KCNN4: variants seen among roughly 807,000 people sequenced by gnomAD.
The protein encoded by KCNN4 is potassium calcium-activated channel subfamily N member 4, also known as intermediate conductance calcium-activated potassium channel protein 4.
In KCNN4, 31 loss-of-function variants were observed where a neutral mutation model predicts 45.2. That is an observed-to-expected ratio of 0.69 (90% CI 0.52 to 0.92). The LOEUF (loss-of-function observed/expected upper bound fraction) is 0.92. Ranked by LOEUF, KCNN4 falls within the 40% of genes least tolerant of loss-of-function variation. The pLI, the probability that KCNN4 is intolerant of heterozygous loss-of-function variation, is 0.00. For missense variants in KCNN4, 463 were observed against 574.0 expected, an observed-to-expected ratio of 0.81 and a Z score of 1.98; for synonymous variants, 231 against 254.6, an observed-to-expected ratio of 0.91 and a Z score of 0.88.
chr19:43,775,078 C>T (rs1969761839), intron 2 of KCNN4, among the ~76,000 whole-genome samples: 4 of 152,256 alleles, frequency 2.6e-5, no homozygotes, highest in Admixed American at 2.6e-4. Flanking sequence ...GTAATCCCAG[C>T]ACTTTGGGAG....
In KCNN4 at chr19:43,767,691, T is replaced by C; in HGVS notation, c.1136A>G (p.Tyr379Cys). The change falls in exon 8 of 9, where the codon TAT becomes TGT. Residue 379 changes from tyrosine to cysteine, a missense_variant. Physicochemically the swap from Tyr to Cys is radical, Grantham distance 194. Transcript: ENST00000648319. ...VDISKMHMIL[Y>C]DLQQNLSSSH... ...GCTGCTCAGATTCTGCTGCAGGTCA[T>C]ACAGGATCATGTGCATCTGGGTGGG... 2 of 1,614,126 alleles carry C rather than the reference T, an allele frequency of 1.2e-6. No individual in the cohort carries two copies. The highest frequency in any genetic ancestry group is 1.7e-6 in the Non-Finnish European group (2 of 1,180,010).
chr19:43,768,913 G>A (rs201839851), intron 7 of KCNN4, 50 bp downstream of exon 7: 19 of 1,590,066 alleles, frequency 1.2e-5, no homozygotes, highest in Non-Finnish European at 1.6e-5. Context: ...CCCTCCCTGT[G>A]GCCCCAACCT....
chr19:43,774,682 C>T lies in KCNN4; in HGVS notation c.256-63G>A. ...AGGTCAGGCGCAGGTCAGGCGGCGG[C>T]CCGCGCCTGCCTGCGCCCTGAGATA... On this transcript the variant is annotated intron_variant, in intron 2 of 8. Transcript: ENST00000648319. This position sits in a 1 kb window ranked among gnomAD's most constrained non-coding sequence, Gnocchi z 5.6. 1.4e-6 allele frequency: 2 copies of T among 1,379,526 alleles called. No homozygotes were observed. Among genetic ancestry groups the T allele is most frequent in the African/African-American group, 1.5e-5 (1 of 65,478 alleles). The allele number at this position is 1,379,526 out of a possible 1,614,324, so 85.5% of individuals were successfully genotyped here.
chr19:43,773,486 G>T (rs1969700069), intron 3 of KCNN4, among the ~76,000 whole-genome samples: 1 of 152,164 alleles, frequency 6.6e-6, no homozygotes, highest in African/African-American at 2.4e-5. Flanking sequence ...CACCTGGAAG[G>T]CTTGCTAAAG....
In KCNN4 at chr19:43,777,338, TGG is replaced by T. The variant is rs1491072651; in HGVS notation, c.160-704_160-703del. Among the ~76,000 whole-genome samples the T allele has an allele frequency of 9.7e-4, 144 of 149,102 alleles. 2 individuals are homozygous for T. The highest frequency in any genetic ancestry group is 3.5e-3 in the Middle Eastern group (1 of 286). ...GTGTGTGTGTGTGGGTGTGTGTGTG[TGG>T]TGTCTAGAAAAAGACATCTAGCCTC... On this transcript the variant is annotated intron_variant, in intron 1 of 8. Coordinates refer to ENST00000648319, the MANE Select transcript of KCNN4 (RefSeq NM_002250.3).
Position 43,774,742 on chromosome 19 carries a change from T to G in KCNN4, c.256-123A>C, listed in dbSNP as rs1599677884. On this transcript the variant is annotated intron_variant, in intron 2 of 8. Coordinates refer to ENST00000648319, the MANE Select transcript of KCNN4 (RefSeq NM_002250.3). The surrounding 1 kb of genome is among the most constrained non-coding windows in gnomAD (Gnocchi z 5.6). ...TGCCGCCTGGCCAGGAGGGAGGGAG[T>G]GCAGGGCGGGAGAGGGATAGGGAGG... is the stretch of plus-strand genomic sequence containing the variant. 1.4e-6 allele frequency: 1 copy of G among 738,116 alleles called. No homozygotes were observed. Among genetic ancestry groups the G allele is most frequent in the Non-Finnish European group, 2.0e-6 (1 of 490,174 alleles). 45.7% of individuals were successfully genotyped at this position (738,116 alleles called of 1,614,324 possible). A position where few individuals can be genotyped will look rare whatever the true frequency, so the allele number is the denominator to read the frequency against.
Position 43,769,501 on chromosome 19 carries a change from G to A in KCNN4, c.990C>T (p.Arg330=), listed in dbSNP as rs750898631. 3.7e-6 allele frequency: 6 copies of A among 1,614,094 alleles called. No homozygotes were observed. The African/African-American group carries it at 4.0e-5, about 11-fold the overall frequency. ...TGCGGGCAGCATGAGACTCCTTCCT[G>A]CGAGTATGTTTGTAGAACATCCAGG... The part of the protein sequence containing the change: ...QEAWMFYKHT[R]RKESHAARRH... The change falls in exon 6 of 9, where the codon CGC becomes CGT. Residue 330 remains arginine, a synonymous_variant. Coordinates refer to ENST00000648319, the MANE Select transcript of KCNN4 (RefSeq NM_002250.3). The surrounding 1 kb of genome is among the most constrained non-coding windows in gnomAD (Gnocchi z 4.4).
rs539217396 is a variant in KCNN4, at chr19:43,774,743, G to T, written c.256-124C>A. On this transcript the variant is annotated intron_variant, in intron 2 of 8. Transcript: ENST00000648319. This position sits in a 1 kb window ranked among gnomAD's most constrained non-coding sequence, Gnocchi z 5.6. ...GCCGCCTGGCCAGGAGGGAGGGAGT[G>T]CAGGGCGGGAGAGGGATAGGGAGGG... 2.6e-6 allele frequency: 2 copies of T among 755,482 alleles called. No individual in the cohort carries two copies. The highest frequency in any genetic ancestry group is 7.0e-5 in the Admixed American group (2 of 28,658). 46.8% of individuals were successfully genotyped at this position (755,482 alleles called of 1,614,324 possible). A position where few individuals can be genotyped will look rare whatever the true frequency, so the allele number is the denominator to read the frequency against.
chr19:43,776,493 G>T, intron 2 of KCNN4, 48 bp downstream of exon 2: 2 of 1,266,794 alleles, frequency 1.6e-6, no homozygotes, highest in Non-Finnish European at 2.3e-6. Context: ...CTGACAGGGC[G>T]CTGAGGGGGT....
intron 1 of KCNN4, 53 bp from the exon 2 acceptor site, chr19:43,776,689 G>T: frequency 8.8e-7 from 1 of 1,133,962 alleles, no homozygotes; most frequent in Non-Finnish European, 1.3e-6. Context: ...CCCTCCGCCT[G>T]GCCCTCCACC....
At chr19:43,773,613 G>A (rs1464658815) in intron 3 of KCNN4, among the ~76,000 whole-genome samples, 1 of 152,194 alleles carries the variant, frequency 6.6e-6, no homozygotes, top group African/African-American at 2.4e-5. Context: ...AGGACCACTG[G>A]CTGAGATCAC....
chr19:43,777,298 G>GGGGTGTGTGT (rs1555725378), intron 1 of KCNN4, among the ~76,000 whole-genome samples: 2 of 33,064 alleles, frequency 6.0e-5, no homozygotes, highest in South Asian at 3.6e-3. Context: ...TAGTTCTTCA[G>GGGGTGTGTGT]GTGTGTGTGT....
chr19:43,780,140 CT>C (rs1218184186), intron 1 of KCNN4, among the ~76,000 whole-genome samples: 8 of 152,204 alleles, frequency 5.3e-5, no homozygotes, highest in South Asian at 2.1e-4. Context: ...CTTATTGGCT[CT>C]TGGGGGGCTT....
intron 7 of KCNN4, among the ~76,000 whole-genome samples, chr19:43,767,985 T>C (rs143833713): frequency 6.6e-6 from 1 of 152,344 alleles, no homozygotes; most frequent in East Asian, 1.9e-4. Context: ...TTAAATGACA[T>C]GCCCAAAGCA....
At position 43,774,008 on chromosome 19, in the gene KCNN4, G is replaced by T. The variant is rs953946745; in HGVS notation, c.683+184C>A. On this transcript the variant is annotated intron_variant, in intron 3 of 8. Transcript: ENST00000648319. This position sits in a 1 kb window ranked among gnomAD's most constrained non-coding sequence, Gnocchi z 5.6. The stretch of plus-strand genomic sequence containing the variant: ...AGGATTGGCTGGGGGCTTGTCTGTT[G>T]GTTCCTCTCACCCCAGTTGATGGGA... Among the ~76,000 whole-genome samples, 1 of 152,170 alleles carries T rather than the reference G, an allele frequency of 6.6e-6. No homozygotes were observed. Among genetic ancestry groups the T allele is most frequent in the Non-Finnish European group, 1.5e-5 (1 of 68,026 alleles).
chr19:43,770,957 G>C (rs1470184874), intron 4 of KCNN4, among the ~76,000 whole-genome samples: 2 of 152,178 alleles, frequency 1.3e-5, no homozygotes, highest in Admixed American at 6.5e-5. Context: ...CTCACCACTG[G>C]GGGAGTGGAG....
At chr19:43,771,883 A>AGGGAGTTTTT (rs1969653881) in intron 4 of KCNN4, 117 bp downstream of exon 4, 1 of 1,307,186 alleles carries the variant, frequency 7.7e-7, no homozygotes, top group Non-Finnish European at 1.0e-6. Flanking sequence ...CAGACACTCA[A>AGGGAGTTTTT]GTTTCTCAGG....
intron 1 of KCNN4, 71 bp downstream of exon 1, chr19:43,780,632 G>T: frequency 3.2e-6 from 1 of 310,062 alleles, no homozygotes; most frequent in Non-Finnish European, 5.3e-6. Flanking sequence ...TCAGACCCAA[G>T]AGTCCTGACC....
At chr19:43,777,171 C>T (rs1335243358) in intron 1 of KCNN4, among the ~76,000 whole-genome samples, 3 of 152,168 alleles carry the variant, frequency 2.0e-5, no homozygotes, top group East Asian at 1.9e-4. Context: ...CAGGACAACC[C>T]TGTCCAGATG....
Sources: gnomAD v4.1 joint callset for allele counts (sites outside exome capture counted in the v4.1 genomes callset) on GRCh38, gnomAD v4.1.1 for gene constraint, Gnocchi (gnomAD v3.1) non-coding constraint, MANE v1.5 for transcripts, NCBI Gene and HGNC (gene_info 2026-07-23, HGNC 2026-07-21) for gene names.